TPO: variants seen among roughly 807,000 people sequenced by gnomAD.
The protein encoded by TPO is thyroid peroxidase.
In TPO, 78 loss-of-function variants were observed where a neutral mutation model predicts 96.9. That is an observed-to-expected ratio of 0.81 (90% CI 0.67 to 0.97). The LOEUF (loss-of-function observed/expected upper bound fraction) is 0.97, where lower values mean the gene tolerates loss of function less well. Ranked by LOEUF, TPO falls within the 50% of genes least tolerant of loss-of-function variation. The pLI is 0.00. For missense variants in TPO, 1,252 were observed against 1,274.8 expected (o/e 0.98, Z 0.27); for synonymous variants, 547 against 538.0 (o/e 1.02, Z -0.23).
At chr2:1,489,829 G>A (rs922471685) in intron 10 of TPO, among the ~76,000 whole-genome samples, 6 of 152,230 alleles carry the variant, frequency 3.9e-5, no homozygotes, top group Middle Eastern at 3.2e-3. Flanking sequence ...TAATTAACCT[G>A]TGGGGTTCCC....
intron 15 of TPO, among the ~76,000 whole-genome samples, chr2:1,527,231 TC>T (rs1251329112): frequency 2.2e-5 from 1 of 46,006 alleles, no homozygotes; most frequent in African/African-American, 9.7e-5. Context: ...CCTACTCAAA[TC>T]CCCCCACTGT....
chr2:1,478,157 A>G, intron 8 of TPO: 1 of 974,624 alleles, frequency 1.0e-6, no homozygotes, highest in Non-Finnish European at 1.2e-6. Flanking sequence ...ACCTTTCTTC[A>G]TTTTATGACT....
At chr2:1,486,984 T>C (rs1252567691) in intron 9 of TPO, among the ~76,000 whole-genome samples, 3 of 152,228 alleles carry the variant, frequency 2.0e-5, no homozygotes, top group Non-Finnish European at 2.9e-5. Flanking sequence ...GTCTTCCTTT[T>C]GGGCATCCTA....
intron 5 of TPO, among the ~76,000 whole-genome samples, chr2:1,439,950 G>A (rs951997293): frequency 6.6e-6 from 1 of 152,142 alleles, no homozygotes; most frequent in Non-Finnish European, 1.5e-5. Context: ...AGTTCCCAGA[G>A]CTTCCCCACA....
At chr2:1,375,723 C>T (rs11678486) in intron 1 of TPO, among the ~76,000 whole-genome samples, 16,034 of 152,030 alleles carry the variant, frequency 0.11, 1,624 homozygotes, top group African/African-American at 0.27. Context: ...TTTCCTTCAC[C>T]GTGTCTACAT....
intron 11 of TPO, among the ~76,000 whole-genome samples, chr2:1,495,724 A>C (rs28991285): frequency 6.7e-6 from 1 of 149,828 alleles, no homozygotes; most frequent in South Asian, 2.1e-4. Flanking sequence ...CCGGGTGCTC[A>C]GGGGTCTGGG....
chr2:1,440,711 G>A (rs1666084022), intron 5 of TPO, among the ~76,000 whole-genome samples: 1 of 152,100 alleles, frequency 6.6e-6, no homozygotes, highest in Non-Finnish European at 1.5e-5. Flanking sequence ...TATGTTGGAA[G>A]AGAATGGGCA....
intron 2 of TPO, among the ~76,000 whole-genome samples, chr2:1,418,419 C>G (rs767609145): frequency 1.3e-5 from 2 of 152,136 alleles, no homozygotes; most frequent in African/African-American, 2.4e-5. Flanking sequence ...GGTGCTCAGA[C>G]TGGGTGGGTG....
intron 14 of TPO, chr2:1,512,573 C>A: frequency 1.3e-6 from 1 of 789,904 alleles, no homozygotes; most frequent in Non-Finnish European, 1.5e-6. Context: ...AACCTGAAGT[C>A]AGGGTCCGCC....
At chr2:1,437,712 C>A (rs1461288062) in intron 5 of TPO, among the ~76,000 whole-genome samples, 4 of 152,178 alleles carry the variant, frequency 2.6e-5, no homozygotes, top group Non-Finnish European at 4.4e-5. Context: ...CATAACCTGG[C>A]CATGTGTGAG....
At chr2:1,391,709 TCTC>T (rs1212219009) in intron 1 of TPO, among the ~76,000 whole-genome samples, 2 of 152,206 alleles carry the variant, frequency 1.3e-5, no homozygotes, top group Non-Finnish European at 2.9e-5. Flanking sequence ...AGTTTGTAGT[TCTC>T]CTTGAAGAGG....
At chr2:1,526,981 C>CA in intron 15 of TPO, among the ~76,000 whole-genome samples, 1 of 149,320 alleles carries the variant, frequency 6.7e-6, no homozygotes. Context: ...ACTCAAATCC[C>CA]CACACTGTGT....
At chr2:1,533,976 C>CCTCCCCAAATCCCCATCACTCTGTGTAAT (rs1678929127) in intron 15 of TPO, among the ~76,000 whole-genome samples, 1 of 102,390 alleles carries the variant, frequency 9.8e-6, no homozygotes, top group African/African-American at 3.5e-5. Flanking sequence ...CTCTGTGCAA[C>CCTCCCCAAATCCCCATCACTCTGTGTAAT]CTCCCCAAAT....
chr2:1,423,239 C>G, intron 3 of TPO, 110 bp downstream of exon 3: 1 of 969,876 alleles, frequency 1.0e-6, no homozygotes, highest in South Asian at 1.4e-5. Context: ...AAACCTGAAG[C>G]TTGCCATTGT....
chr2:1,537,949 C>A (rs1398080534), intron 15 of TPO, among the ~76,000 whole-genome samples: 2 of 98,182 alleles, frequency 2.0e-5, no homozygotes, highest in African/African-American at 8.2e-5. Flanking sequence ...CTCCCGAAAT[C>A]CCCCGTAGTG....
chr2:1,446,248 C>G (rs748870594), intron 5 of TPO, among the ~76,000 whole-genome samples: 3 of 152,206 alleles, frequency 2.0e-5, no homozygotes, highest in Non-Finnish European at 2.9e-5. Context: ...TTTCCCTGAC[C>G]TGGCTTTTAT....
At chr2:1,437,748 C>A (rs1043527485) in intron 5 of TPO, among the ~76,000 whole-genome samples, 1 of 152,144 alleles carries the variant, frequency 6.6e-6, no homozygotes, top group African/African-American at 2.4e-5. Flanking sequence ...CTGCGGAGCC[C>A]CGGCTGGAAG....
intron 15 of TPO, among the ~76,000 whole-genome samples, chr2:1,524,243 C>A (rs549833815): frequency 8.8e-5 from 13 of 147,008 alleles, no homozygotes; most frequent in East Asian, 4.0e-4. Flanking sequence ...TCCTCAAATC[C>A]CCCCACTGTG....
intron 2 of TPO, among the ~76,000 whole-genome samples, chr2:1,422,343 C>CAGT (rs1558264270): frequency 7.8e-6 from 1 of 127,420 alleles, no homozygotes; most frequent in Non-Finnish European, 1.8e-5. Context: ...CTCTCCTGGA[C>CAGT]CGACCTCGTG....
Sources: gnomAD v4.1 joint callset for allele counts (sites outside exome capture counted in the v4.1 genomes callset) on GRCh38, gnomAD v4.1.1 for gene constraint, MANE v1.5 for transcripts, NCBI Gene and HGNC (gene_info 2026-07-23, HGNC 2026-07-21) for gene names.